MEF2A: variants seen among roughly 807,000 people sequenced by gnomAD.
The protein encoded by MEF2A is myocyte-specific enhancer factor 2A.
In MEF2A, 28 loss-of-function variants were observed where a neutral mutation model predicts 55.8. The ratio of observed to expected loss-of-function variants is 0.50; its 90% CI spans 0.37 to 0.69. The LOEUF (loss-of-function observed/expected upper bound fraction) is 0.69. Among genes scored for constraint, MEF2A ranks in the 30% least tolerant of loss-of-function variants. The pLI, the probability that MEF2A is intolerant of heterozygous loss-of-function variation, is 0.00. For missense variants in MEF2A, 528 were observed against 626.2 expected (o/e 0.84, Z 1.67); for synonymous variants, 239 against 227.1 (o/e 1.05, Z -0.47).
At chr15:99,692,355 G>T (rs745312668) in intron 8 of MEF2A, among the ~76,000 whole-genome samples, 1 of 152,048 alleles carries the variant, frequency 6.6e-6, no homozygotes, top group East Asian at 1.9e-4. Flanking sequence ...ACAGAAATCT[G>T]GAAACAGTCA....
At chr15:99,601,804 GT>G (rs1265346430) in intron 2 of MEF2A, among the ~76,000 whole-genome samples, 5 of 133,686 alleles carry the variant, frequency 3.7e-5, no homozygotes, top group African/African-American at 8.7e-5. Flanking sequence ...GTTTTTGTCT[GT>G]TTTGTGTGTG....
chr15:99,606,545 C>T (rs187676751), intron 2 of MEF2A, among the ~76,000 whole-genome samples: 18 of 151,900 alleles, frequency 1.2e-4, no homozygotes, highest in Admixed American at 4.6e-4. Flanking sequence ...GTGACAGAGA[C>T]AATCCAATAG....
At chr15:99,611,492 C>CA (rs937553963) in intron 2 of MEF2A, among the ~76,000 whole-genome samples, 3 of 152,074 alleles carry the variant, frequency 2.0e-5, no homozygotes, top group Admixed American at 1.3e-4. Flanking sequence ...TCACACCCAC[C>CA]ATGATGGCAT....
chr15:99,703,000 G>A (rs2059861479), intron 8 of MEF2A, among the ~76,000 whole-genome samples: 1 of 152,184 alleles, frequency 6.6e-6, no homozygotes, highest in Non-Finnish European at 1.5e-5. Context: ...AGAGTTACAA[G>A]TACAGAGTTG....
intron 1 of MEF2A, among the ~76,000 whole-genome samples, chr15:99,597,186 CTT>C (rs1421996475): frequency 6.6e-6 from 1 of 152,168 alleles, no homozygotes; most frequent in Non-Finnish European, 1.5e-5. Context: ...CCATATTTCT[CTT>C]CTTTCAAAAG....
At chr15:99,608,816 A>C (rs1976053087) in intron 2 of MEF2A, among the ~76,000 whole-genome samples, 1 of 151,910 alleles carries the variant, frequency 6.6e-6, no homozygotes, top group Non-Finnish European at 1.5e-5. Context: ...CAGGGTAATC[A>C]CTTGAACCCG....
chr15:99,600,320 A>C (rs1180056384), intron 2 of MEF2A, among the ~76,000 whole-genome samples: 1 of 152,100 alleles, frequency 6.6e-6, no homozygotes, highest in Non-Finnish European at 1.5e-5. Flanking sequence ...CTATGGTTCT[A>C]TGGGTTGTGC....
chr15:99,571,986 G>T (rs1182176308), intron 1 of MEF2A, among the ~76,000 whole-genome samples: 1 of 148,716 alleles, frequency 6.7e-6, no homozygotes, highest in Non-Finnish European at 1.5e-5. Context: ...TAAGTGGGCT[G>T]CTTCTTTTTC....
intron 2 of MEF2A, among the ~76,000 whole-genome samples, chr15:99,627,094 A>AT: frequency 6.6e-6 from 1 of 152,168 alleles, no homozygotes; most frequent in East Asian, 1.9e-4. Context: ...CAGGGGTCAG[A>AT]TTTTGCAACA....
intron 4 of MEF2A, among the ~76,000 whole-genome samples, chr15:99,652,196 G>A (rs1466462123): frequency 1.3e-5 from 2 of 152,102 alleles, no homozygotes; most frequent in Non-Finnish European, 2.9e-5. Flanking sequence ...ATGGGGGTTG[G>A]GGGTGGGAGG....
chr15:99,697,008 C>T (rs325389), intron 8 of MEF2A, among the ~76,000 whole-genome samples: 32,987 of 151,752 alleles, frequency 0.22, 4,265 homozygotes, highest in South Asian at 0.31. Flanking sequence ...TTTGAAAATT[C>T]ATTAGTATAA....
chr15:99,576,415 C>T (rs1567144851), intron 1 of MEF2A, among the ~76,000 whole-genome samples: 1 of 152,008 alleles, frequency 6.6e-6, no homozygotes, highest in Non-Finnish European at 1.5e-5. Context: ...TGAGTATGTT[C>T]ATAGTGTCTT....
At chr15:99,692,785 T>C (rs921436967) in intron 8 of MEF2A, among the ~76,000 whole-genome samples, 1 of 152,168 alleles carries the variant, frequency 6.6e-6, no homozygotes, top group Non-Finnish European at 1.5e-5. Flanking sequence ...TTGTCTTCTT[T>C]CTCTAATATG....
intron 1 of MEF2A, among the ~76,000 whole-genome samples, chr15:99,579,676 G>A (rs1458533511): frequency 2.0e-5 from 3 of 152,178 alleles, no homozygotes; most frequent in African/African-American, 4.8e-5. Context: ...GATTACAGGC[G>A]TGAGTCACTG....
Position 99,712,337 on chromosome 15 carries a change from G to A in MEF2A, c.1137-53G>A. Reference sequence around the variant, plus strand: ...GCAGTGTCTCTACTGTATCATCCCAGTTTTGCAGAGGTACTTGCAAGCCAT... The same window carrying A: ...GCAGTGTCTCTACTGTATCATCCCAATTTTGCAGAGGTACTTGCAAGCCAT... On this transcript the variant is annotated intron_variant, in intron 11 of 11. Transcript: ENST00000557942. The surrounding 1 kb of genome is among the most constrained non-coding windows in gnomAD (Gnocchi z 4.1). 1 of 1,480,272 alleles carries A rather than the reference G, an allele frequency of 6.8e-7. No homozygotes were observed. The highest frequency in any genetic ancestry group is 9.0e-7 in the Non-Finnish European group (1 of 1,111,620). 91.7% of individuals were successfully genotyped at this position (1,480,272 alleles called of 1,614,324 possible). A position where few individuals can be genotyped will look rare whatever the true frequency, so the allele number is the denominator to read the frequency against.
chr15:99,677,211 C>CA (rs1333053055), intron 7 of MEF2A, among the ~76,000 whole-genome samples: 1 of 152,058 alleles, frequency 6.6e-6, no homozygotes, highest in Non-Finnish European at 1.5e-5. Context: ...ACTAGGCACA[C>CA]ACACAAATAA....
chr15:99,700,180 G>A (rs1463947538), intron 8 of MEF2A, among the ~76,000 whole-genome samples: 1 of 41,460 alleles, frequency 2.4e-5, no homozygotes, highest in Admixed American at 2.5e-4. Flanking sequence ...ATATATGTGT[G>A]TATATATACA....
Position 99,618,472 on chromosome 15 carries a change from A to G in MEF2A, c.-142-14506A>G, listed in dbSNP as rs566296675. ...TATTGGGATAAGTTACAAAATTGCA[A>G]TTATGGCCTGCGCTTTAAAGTACTG... On this transcript the variant is annotated intron_variant, in intron 2 of 11. Transcript: ENST00000557942. Among the ~76,000 whole-genome samples, 8 of 152,282 alleles carry G rather than the reference A, an allele frequency of 5.3e-5. No individual in the cohort carries two copies. The South Asian group carries it at 1.0e-3, about 20-fold the overall frequency.
intron 1 of MEF2A, among the ~76,000 whole-genome samples, chr15:99,597,740 G>A (rs1971713717): frequency 6.6e-6 from 1 of 152,014 alleles, no homozygotes; most frequent in African/African-American, 2.4e-5. Flanking sequence ...TCTCTCTTTT[G>A]TACTCTGTCC....
Sources: allele counts gnomAD v4.1 joint callset (sites outside exome capture counted in the v4.1 genomes callset), GRCh38; gene constraint gnomAD v4.1.1; non-coding constraint Gnocchi (gnomAD v3.1); transcripts MANE v1.5; gene names NCBI Gene and HGNC (gene_info 2026-07-23, HGNC 2026-07-21).